The following OR4K2 variants were observed in gnomAD, a reference collection of about 807,000 sequenced individuals.
OR4K2 encodes the protein olfactory receptor 4K2.
In OR4K2, 8 loss-of-function variants were observed where a neutral mutation model predicts 10.5. That is an observed-to-expected ratio of 0.76 (90% confidence interval 0.45 to 1.37). The LOEUF (loss-of-function observed/expected upper bound fraction) is 1.37. Among genes scored for constraint, OR4K2 ranks in the 40% most tolerant of loss-of-function variants. The pLI, the probability that OR4K2 is intolerant of heterozygous loss-of-function variation, is 0.00. For missense variants in OR4K2, 547 were observed against 379.5 expected (o/e 1.44, Z -3.67); for synonymous variants, 178 against 133.6 (o/e 1.33, Z -2.29).
chr14:19,875,516 TAAATCATA>T lies in OR4K2; in HGVS notation c.-641_-634del, dbSNP rs1880872353. ...ATATATCCTTTGTGATATAAAATTT[TAAATCATA>T]GAATTATAAATATTTATAAGGAACA... On this transcript the variant is annotated 5_prime_UTR_variant, in exon 1 of 2. An upstream open reading frame in the 5' UTR loses its in-frame stop. Coordinates refer to ENST00000641885, the MANE Select transcript of OR4K2 (RefSeq NM_001005501.2). 1 of 152,254 alleles carries T rather than the reference TAAATCATA, an allele frequency of 6.6e-6. No homozygotes were observed. Among genetic ancestry groups the T allele is most frequent in the Non-Finnish European group, 1.5e-5 (1 of 68,026 alleles). The allele number at this position is 152,254 out of a possible 1,614,324, so 9.4% of individuals were successfully genotyped here.
chr14:19,880,812 T>C lies in OR4K2; in HGVS notation c.*3600T>C, dbSNP rs1454081476. On this transcript the variant is annotated 3_prime_UTR_variant, in exon 2 of 2. Transcript: ENST00000641885. ...ACAATTGTTGTCAGAATAAGAATGATGTTTGACTCATATTATTAAGGTGAA... is the reference window on the plus strand; with the variant it reads ...ACAATTGTTGTCAGAATAAGAATGACGTTTGACTCATATTATTAAGGTGAA... 6.6e-6 allele frequency: 1 copy of C among 152,238 alleles called. No individual in the cohort carries two copies. The highest frequency in any genetic ancestry group is 1.5e-5 in the Non-Finnish European group (1 of 68,028). The allele number at this position is 152,238 out of a possible 1,614,324, so 9.4% of individuals were successfully genotyped here. A position where few individuals can be genotyped will look rare whatever the true frequency, so the allele number is the denominator to read the frequency against.
In OR4K2 at chr14:19,877,330, C is replaced by T; in HGVS notation, c.*118C>T. ...GGCTCAAGTTCAGTGCATTTTGAAA[C>T]TATTCTCATGAATGTGAATGTGTTC... On this transcript the variant is annotated 3_prime_UTR_variant, in exon 2 of 2. Transcript: ENST00000641885. 2 of 715,934 alleles carry T rather than the reference C, an allele frequency of 2.8e-6. No individual in the cohort carries two copies. Among genetic ancestry groups the T allele is most frequent in the Non-Finnish European group, 4.5e-6 (2 of 443,650 alleles). The allele number at this position is 715,934 out of a possible 1,614,324, so 44.3% of individuals were successfully genotyped here.
In OR4K2 at chr14:19,876,528, A is replaced by C. The variant is rs1277742689; in HGVS notation, c.261A>C (p.Thr87=). Residue 87 remains threonine (T), a synonymous_variant, in exon 2 of 2, where the codon ACA becomes ACC. Transcript: ENST00000641885. ...CAAAGATGATTACAGATTACCTAAC[A>C]GGTCACAAAACCATCTCTTTTGATG... ...ATPKMITDYL[T]GHKTISFDGC... is the part of the protein sequence containing the mutation. 6.2e-7 allele frequency: 1 copy of C among 1,614,176 alleles called. No homozygotes were observed.
rs75294114 is a variant in OR4K2, at chr14:19,877,688, C to T, written c.*476C>T. On this transcript the variant is annotated 3_prime_UTR_variant, in exon 2 of 2. Coordinates refer to ENST00000641885, the MANE Select transcript of OR4K2 (RefSeq NM_001005501.2). Reference sequence around the variant, plus strand: ...CACATACGTTCCCAAGCCACTCCTACTTAACATTTAAACCAATTTGTGATC... The same window carrying T: ...CACATACGTTCCCAAGCCACTCCTATTTAACATTTAAACCAATTTGTGATC... The T allele has an allele frequency of 0.016, 2,538 of 154,034 alleles. 24 individuals are homozygous for T. The highest frequency in any genetic ancestry group is 0.028 in the Non-Finnish European group (1,957 of 69,216). 9.5% of individuals were successfully genotyped at this position (154,034 alleles called of 1,614,324 possible).
rs1315236568 is a variant in OR4K2, at chr14:19,875,741, C to T, written c.-417C>T. ...TTAACAGTTCATCTCTGGAAATTTA[C>T]AAGAGCTCTACAACTGTCCATCGAA... On this transcript the variant is annotated 5_prime_UTR_variant, in exon 1 of 2. Coordinates refer to ENST00000641885, the MANE Select transcript of OR4K2 (RefSeq NM_001005501.2). The T allele has an allele frequency of 2.0e-5, 3 of 152,564 alleles. No individual in the cohort carries two copies. The highest frequency in any genetic ancestry group is 2.9e-5 in the Non-Finnish European group (2 of 68,272). The allele number at this position is 152,564 out of a possible 1,614,324, so 9.5% of individuals were successfully genotyped here.
rs754653934 is a variant in OR4K2, at chr14:19,875,889, C to T, written c.-269C>T. On this transcript the variant is annotated 5_prime_UTR_variant, in exon 1 of 2. Transcript: ENST00000641885. ...AACATGTATGTGTATGTGTGTTTCA[C>T]ACATTGTCAGCATAAAGTAAGTTCT... is the stretch of plus-strand genomic sequence containing the variant. 3.4e-5 allele frequency: 7 copies of T among 204,066 alleles called. No homozygotes were observed. Among genetic ancestry groups the T allele is most frequent in the Non-Finnish European group, 5.9e-5 (6 of 101,456 alleles). 12.6% of individuals were successfully genotyped at this position (204,066 alleles called of 1,614,324 possible).
In OR4K2 at chr14:19,877,464, G is replaced by A; in HGVS notation, c.*252G>A. 2.7e-6 allele frequency: 1 copy of A among 363,982 alleles called. No homozygotes were observed. Among genetic ancestry groups the A allele is most frequent in the Non-Finnish European group, 5.1e-6 (1 of 197,790 alleles). The allele number at this position is 363,982 out of a possible 1,614,324, so 22.5% of individuals were successfully genotyped here. On this transcript the variant is annotated 3_prime_UTR_variant, in exon 2 of 2. Transcript: ENST00000641885. ...ATTCAATATCAATAATCAATTTATT[G>A]GAAAAGAGGACCAAGGAATGAGGAG...
In OR4K2 at chr14:19,877,779, G is replaced by GT. The variant is rs1368023243; in HGVS notation, c.*568dup. On this transcript the variant is annotated 3_prime_UTR_variant, in exon 2 of 2. Coordinates refer to ENST00000641885, the MANE Select transcript of OR4K2 (RefSeq NM_001005501.2). ...TGTTAATGACGTCCATAAAATTGCC[G>GT]TAAGTGTAGCAATCTTTACCAACCA... 1.3e-5 allele frequency: 2 copies of GT among 152,700 alleles called. No homozygotes were observed. Among genetic ancestry groups the GT allele is most frequent in the African/African-American group, 4.8e-5 (2 of 41,452 alleles). The allele number at this position is 152,700 out of a possible 1,614,324, so 9.5% of individuals were successfully genotyped here. A position where few individuals can be genotyped will look rare whatever the true frequency, so the allele number is the denominator to read the frequency against.
Position 19,878,181 on chromosome 14 carries a change from CTGG to C in OR4K2, c.*971_*973del, listed in dbSNP as rs1216476200. 1.3e-5 allele frequency: 2 copies of C among 152,172 alleles called. No homozygotes were observed. Among genetic ancestry groups the C allele is most frequent in the Non-Finnish European group, 2.9e-5 (2 of 68,010 alleles). 9.4% of individuals were successfully genotyped at this position (152,172 alleles called of 1,614,324 possible). A position where few individuals can be genotyped will look rare whatever the true frequency, so the allele number is the denominator to read the frequency against. On this transcript the variant is annotated 3_prime_UTR_variant, in exon 2 of 2. Transcript: ENST00000641885. ...GGTTTTATTACTGTTATAAATAAAT[CTGG>C]TAGGTTCAATATTAGCTTTAATGTA...
In OR4K2 at chr14:19,875,980, T is replaced by G; in HGVS notation, c.-178T>G. 2.6e-6 allele frequency: 1 copy of G among 382,234 alleles called. No individual in the cohort carries two copies. The highest frequency in any genetic ancestry group is 4.7e-6 in the Non-Finnish European group (1 of 212,288). The allele number at this position is 382,234 out of a possible 1,614,324, so 23.7% of individuals were successfully genotyped here. On this transcript the variant is annotated 5_prime_UTR_variant, in exon 1 of 2. An upstream start codon of the reference 5' UTR is lost. Transcript: ENST00000641885. ...AATAGGTAGGTATGTCTGTTCAGAA[T>G]GATATTATCTTGGTTGGATTGCCAT... is the stretch of plus-strand genomic sequence containing the variant.
chr14:19,876,063 A>T lies in OR4K2; in HGVS notation c.-95A>T. ...CCTATGATTTAAGGAACATTTTGCT[A>T]TAAGCTCTAATATTTCATAATTTCC... On this transcript the variant is annotated 5_prime_UTR_variant, in exon 1 of 2. Transcript: ENST00000641885. 5.6e-6 allele frequency: 3 copies of T among 538,590 alleles called. No homozygotes were observed. The highest frequency in any genetic ancestry group is 9.6e-6 in the Non-Finnish European group (3 of 311,524). 33.4% of individuals were successfully genotyped at this position (538,590 alleles called of 1,614,324 possible). A position where few individuals can be genotyped will look rare whatever the true frequency, so the allele number is the denominator to read the frequency against.
At position 19,882,282 on chromosome 14, in the gene OR4K2, C is replaced by G. The variant is rs1881056471; in HGVS notation, c.*5070C>G. 6.6e-6 allele frequency: 1 copy of G among 152,212 alleles called. No homozygotes were observed. The highest frequency in any genetic ancestry group is 2.4e-5 in the African/African-American group (1 of 41,386). The allele number at this position is 152,212 out of a possible 1,614,324, so 9.4% of individuals were successfully genotyped here. On this transcript the variant is annotated 3_prime_UTR_variant, in exon 2 of 2. Transcript: ENST00000641885. ...TCTGCCTCACTTGTGCTTTCTAAAGCTCATTTGGTGCATCTAATTGGTGGA... is the reference window on the plus strand; with the variant it reads ...TCTGCCTCACTTGTGCTTTCTAAAGGTCATTTGGTGCATCTAATTGGTGGA...
rs1252378983 is a variant in OR4K2, at chr14:19,875,258, T to C, written c.-900T>C. The C allele has an allele frequency of 6.6e-6, 1 of 152,274 alleles. No homozygotes were observed. Among genetic ancestry groups the C allele is most frequent in the Non-Finnish European group, 1.5e-5 (1 of 68,038 alleles). 9.4% of individuals were successfully genotyped at this position (152,274 alleles called of 1,614,324 possible). ...TGTCAGAAGCCTACTTAACACTGAA[T>C]AATCTAAAGCCCTGGTTCTTCTATA... On this transcript the variant is annotated 5_prime_UTR_variant, in exon 1 of 2. Coordinates refer to ENST00000641885, the MANE Select transcript of OR4K2 (RefSeq NM_001005501.2).
chr14:19,883,543 T>C lies in OR4K2; in HGVS notation c.*6331T>C, dbSNP rs1248771158. 1 of 152,262 alleles carries C rather than the reference T, an allele frequency of 6.6e-6. No individual in the cohort carries two copies. The highest frequency in any genetic ancestry group is 1.5e-5 in the Non-Finnish European group (1 of 68,054). 9.4% of individuals were successfully genotyped at this position (152,262 alleles called of 1,614,324 possible). A position where few individuals can be genotyped will look rare whatever the true frequency, so the allele number is the denominator to read the frequency against. On this transcript the variant is annotated 3_prime_UTR_variant, in exon 2 of 2. Transcript: ENST00000641885. ...TCTTCACTCACCCTAGCATACCATA[T>C]AATTAGAAGTTTGGAACTGATCTTT...
chr14:19,876,636 T>C lies in OR4K2; in HGVS notation c.369T>C (p.Tyr123=), dbSNP rs139691521. The C allele has an allele frequency of 6.8e-6, 11 of 1,614,090 alleles. No individual in the cohort carries two copies. The African/African-American group carries it at 1.5e-4, about 22-fold the overall frequency. The change falls in exon 2 of 2, where the codon TAT becomes TAC. Residue 123 remains tyrosine, a synonymous_variant. Coordinates refer to ENST00000641885, the MANE Select transcript of OR4K2 (RefSeq NM_001005501.2). ...ILLMAMSFDR[Y]IAICKPLHYA... ...TCATGGCCATGTCCTTTGATAGGTATATTGCAATATGCAAGCCCCTGCACT... is the reference window on the plus strand; with the variant it reads ...TCATGGCCATGTCCTTTGATAGGTACATTGCAATATGCAAGCCCCTGCACT...
chr14:19,877,150 A>C lies in OR4K2; in HGVS notation c.883A>C (p.Lys295Gln). The change falls in exon 2 of 2, where the codon AAG becomes CAG. Residue 295 changes from lysine (K) to glutamine (Q), a missense_variant. Lys to Gln is a moderately conservative substitution (Grantham distance 53, BLOSUM62 1). Transcript: ENST00000641885. ...IIYTLRNQEV[K>Q]IAMRKLKNRF... ...CTATACTTTGAGGAATCAAGAAGTA[A>C]AGATAGCCATGAGGAAACTGAAAAA... 1 of 1,603,106 alleles carries C rather than the reference A, an allele frequency of 6.2e-7. No individual in the cohort carries two copies. The highest frequency in any genetic ancestry group is 8.5e-7 in the Non-Finnish European group (1 of 1,179,544).
rs1880991950 is a variant in OR4K2 at position 19,879,685 on chromosome 14, T to G, written c.*2473T>G. 6.6e-6 allele frequency: 1 copy of G among 152,238 alleles called. No individual in the cohort carries two copies. Among genetic ancestry groups the G allele is most frequent in the Non-Finnish European group, 1.5e-5 (1 of 68,042 alleles). The allele number at this position is 152,238 out of a possible 1,614,324, so 9.4% of individuals were successfully genotyped here. On this transcript the variant is annotated 3_prime_UTR_variant, in exon 2 of 2. Transcript: ENST00000641885. ...GATAAAAACAGATAAAGTGTAAATT[T>G]TAATATGTGAAGGAACTGGATATAT...
Position 19,876,872 on chromosome 14 carries a change from C to A in OR4K2, c.605C>A (p.Thr202Lys), listed in dbSNP as rs140606999. ...GTTCTGGGCCTCTTTATGATCTCAA[C>A]AAGTGGCATAATTGCGTTGTCCTGT... ...TYVLGLFMIS[T>K]SGIIALSCFI... is the part of the protein sequence containing the mutation. The change falls in exon 2 of 2, where the codon ACA (threonine) becomes AAA (lysine). Residue 202 changes from threonine to lysine, a missense_variant. Physicochemically the swap from Thr to Lys is moderately conservative, Grantham distance 78. Coordinates refer to ENST00000641885, the MANE Select transcript of OR4K2 (RefSeq NM_001005501.2). 505 of 1,613,938 alleles carry A rather than the reference C, an allele frequency of 3.1e-4. No homozygotes were observed. In the African/African-American group the frequency reaches 3.2e-3, roughly 10 times the overall value.
chr14:19,876,961 G>T lies in OR4K2; in HGVS notation c.694G>T (p.Gly232Ter), dbSNP rs1190416477. 6.2e-7 allele frequency: 1 copy of T among 1,614,038 alleles called. No individual in the cohort carries two copies. The highest frequency in any genetic ancestry group is 1.7e-5 in the Admixed American group (1 of 60,016). ...LVTVKHHSSR[G>*]SSKALSTCTA... Reference sequence around the variant, plus strand: ...TACTGTGAAGCATCATTCTTCCAGAGGATCATCTAAGGCCCTTTCTACTTG... The same window carrying T: ...TACTGTGAAGCATCATTCTTCCAGATGATCATCTAAGGCCCTTTCTACTTG... Residue 232 changes from glycine to a stop codon, truncating the protein, a stop_gained, in exon 2 of 2, where the codon GGA becomes TGA. Transcript: ENST00000641885. LOFTEE classifies it high-confidence loss of function.
Sources: gnomAD v4.1 joint callset for allele counts on GRCh38, gnomAD v4.1.1 for gene constraint, MANE v1.5 for transcripts, NCBI Gene and HGNC (gene_info 2026-07-23, HGNC 2026-07-21) for gene names.